Variants in DPYSL2 observed in about 807,000 individuals in gnomAD.
DPYSL2 encodes the protein dihydropyrimidinase-related protein 2.
DPYSL2 carries 13 observed loss-of-function variants against 69.9 expected under a neutral mutation model. That is an observed-to-expected ratio of 0.19 (90% CI 0.12 to 0.30). DPYSL2 has a LOEUF of 0.30. Among genes scored for constraint, DPYSL2 ranks in the 10% least tolerant of loss-of-function variants. The probability of loss-of-function intolerance (pLI) is 1.00; values close to 1 mark genes in which losing one functional copy is unlikely to be tolerated. For synonymous variants in DPYSL2, 326 were observed against 359.1 expected (o/e 0.91, Z 1.04); for missense variants, 587 against 918.9 (o/e 0.64, Z 4.67).
chr8:26,632,510 T>C (rs566520388), intron 7 of DPYSL2, among the ~76,000 whole-genome samples: 1 of 152,332 alleles, frequency 6.6e-6, no homozygotes, highest in East Asian at 1.9e-4. Context: ...TCTGTGTCCC[T>C]GGACAGGTCA....
intron 1 of DPYSL2, among the ~76,000 whole-genome samples, chr8:26,519,527 T>A (rs2117597623): frequency 6.6e-6 from 1 of 152,330 alleles, no homozygotes; most frequent in South Asian, 2.1e-4. Context: ...GTTTAGAGTA[T>A]ATTATTCTAT....
chr8:26,621,001 A>G lies in DPYSL2; in HGVS notation c.629-3142A>G, dbSNP rs143533763. ...CACGTACATACATACACATACATACATGCCTCTTTCCTGATTTTATTTTAC... is the reference window on the plus strand; with the variant it reads ...CACGTACATACATACACATACATACGTGCCTCTTTCCTGATTTTATTTTAC... On this transcript the variant is annotated intron_variant, in intron 3 of 13. Coordinates refer to ENST00000521913, the MANE Select transcript of DPYSL2 (RefSeq NM_001197293.3). The surrounding 1 kb of genome is among the most constrained non-coding windows in gnomAD (Gnocchi z 4.9). 2.6e-5 allele frequency among the ~76,000 whole-genome samples: 4 copies of G among 152,262 alleles called. No homozygotes were observed. The highest frequency in any genetic ancestry group is 6.5e-5 in the Admixed American group (1 of 15,282).
chr8:26,536,468 C>T (rs1001691315), intron 1 of DPYSL2, among the ~76,000 whole-genome samples: 1 of 151,932 alleles, frequency 6.6e-6, no homozygotes, highest in Admixed American at 6.6e-5. Context: ...GTCAGGAGTT[C>T]GAGACCAGCC....
At position 26,653,352 on chromosome 8, in the gene DPYSL2, G is replaced by GCC; in HGVS notation, c.1900_1901dup (p.Pro635HisfsTer155). The GCC allele has an allele frequency of 6.2e-7, 1 of 1,614,120 alleles. No homozygotes were observed. Among genetic ancestry groups the GCC allele is most frequent in the Non-Finnish European group, 8.5e-7 (1 of 1,180,022 alleles). ...CAAGACGTCTCCTGCCAAGCAGCAG[G>GCC]CCCCACCTGTCCGGAACCTGCACCA... On this transcript the variant is annotated frameshift_variant, in exon 13 of 14. Coordinates refer to ENST00000521913, the MANE Select transcript of DPYSL2 (RefSeq NM_001197293.3). LOFTEE classifies it high-confidence loss of function. The surrounding 1 kb of genome is among the most constrained non-coding windows in gnomAD (Gnocchi z 5.7).
chr8:26,635,973 C>T (rs1021253114), intron 8 of DPYSL2, among the ~76,000 whole-genome samples: 2 of 152,090 alleles, frequency 1.3e-5, no homozygotes, highest in African/African-American at 4.8e-5. Flanking sequence ...TGACTTGCTG[C>T]AAGCCCTGGA....
Position 26,514,697 on chromosome 8 carries a change from G to T in DPYSL2, c.354+18G>T. 1 of 1,379,702 alleles carries T rather than the reference G, an allele frequency of 7.2e-7. No individual in the cohort carries two copies. Among genetic ancestry groups the T allele is most frequent in the South Asian group, 1.6e-5 (1 of 62,348 alleles). 85.5% of individuals were successfully genotyped at this position (1,379,702 alleles called of 1,614,324 possible). Reference sequence around the variant, plus strand: ...ACGACCAGGTCGGTGTGGGGGTTGGGGGTGGAGACGGAGGACGGGGCGCGG... The same window carrying T: ...ACGACCAGGTCGGTGTGGGGGTTGGTGGTGGAGACGGAGGACGGGGCGCGG... On this transcript the variant is annotated intron_variant, in intron 1 of 13. Coordinates refer to ENST00000521913, the MANE Select transcript of DPYSL2 (RefSeq NM_001197293.3). The surrounding 1 kb of genome is among the most constrained non-coding windows in gnomAD (Gnocchi z 8.4).
At chr8:26,649,546 G>A (rs868803333) in intron 11 of DPYSL2, among the ~76,000 whole-genome samples, 3 of 152,146 alleles carry the variant, frequency 2.0e-5, no homozygotes, top group African/African-American at 4.8e-5. Context: ...CTTTCAAAGC[G>A]GTGCTTTTCC....
intron 1 of DPYSL2, among the ~76,000 whole-genome samples, chr8:26,524,550 C>T (rs1808444288): frequency 6.6e-6 from 1 of 151,946 alleles, no homozygotes; most frequent in Non-Finnish European, 1.5e-5. Context: ...GTAATCTCAG[C>T]ACTTTGGAAG....
In DPYSL2 at chr8:26,656,726, G is replaced by A. The variant is rs1803400666; in HGVS notation, c.*1020G>A. On this transcript the variant is annotated 3_prime_UTR_variant, in exon 14 of 14. Coordinates refer to ENST00000521913, the MANE Select transcript of DPYSL2 (RefSeq NM_001197293.3). ...ACTGGTGCTAACCACCTGCCATCAT[G>A]AGGATGTGTGCTAGAGTGTGGGACC... The A allele has an allele frequency of 6.5e-6, 1 of 152,704 alleles. No individual in the cohort carries two copies. Among genetic ancestry groups the A allele is most frequent in the Non-Finnish European group, 1.5e-5 (1 of 68,098 alleles). The allele number at this position is 152,704 out of a possible 1,614,324, so 9.5% of individuals were successfully genotyped here. A position where few individuals can be genotyped will look rare whatever the true frequency, so the allele number is the denominator to read the frequency against.
Position 26,643,650 on chromosome 8 carries a change from T to C in DPYSL2, c.1283+55T>C. Reference sequence around the variant, plus strand: ...CATTCTGTCTTTCTTCAGACCAGACTGACCTGTTAGGCGAAAACAACATGG... The same window carrying C: ...CATTCTGTCTTTCTTCAGACCAGACCGACCTGTTAGGCGAAAACAACATGG... On this transcript the variant is annotated intron_variant, in intron 9 of 13. Coordinates refer to ENST00000521913, the MANE Select transcript of DPYSL2 (RefSeq NM_001197293.3). The surrounding 1 kb of genome is among the most constrained non-coding windows in gnomAD (Gnocchi z 6.5). 6.2e-7 allele frequency: 1 copy of C among 1,612,496 alleles called. No homozygotes were observed. The highest frequency in any genetic ancestry group is 1.1e-5 in the South Asian group (1 of 90,926).
At chr8:26,606,872 A>G (rs1802118213) in intron 3 of DPYSL2, among the ~76,000 whole-genome samples, 1 of 152,240 alleles carries the variant, frequency 6.6e-6, no homozygotes, top group Non-Finnish European at 1.5e-5. Context: ...GAGTTAAATA[A>G]GTAGAAGTTG....
rs1415325347 is a variant in DPYSL2 at position 26,653,181 on chromosome 8, GGTATCC to G, written c.1777-50_1777-45del. The G allele has an allele frequency of 6.3e-7, 1 of 1,591,560 alleles. No homozygotes were observed. Among genetic ancestry groups the G allele is most frequent in the Non-Finnish European group, 8.6e-7 (1 of 1,167,112 alleles). ...CTCCCTCCAGGAGGGTTTCTAGAGA[GGTATCC>G]TCTGTGGCTGTGGCCTGAGCTGGGG... On this transcript the variant is annotated intron_variant, in intron 12 of 13. Coordinates refer to ENST00000521913, the MANE Select transcript of DPYSL2 (RefSeq NM_001197293.3). This position sits in a 1 kb window ranked among gnomAD's most constrained non-coding sequence, Gnocchi z 5.7.
At chr8:26,606,007 A>G (rs1158299891) in intron 3 of DPYSL2, among the ~76,000 whole-genome samples, 1 of 152,198 alleles carries the variant, frequency 6.6e-6, no homozygotes, top group African/African-American at 2.4e-5. Context: ...CAAAAAGGTC[A>G]TAATGAATAA....
Position 26,514,638 on chromosome 8 carries a change from A to C in DPYSL2, c.313A>C (p.Arg105=). The change falls in exon 1 of 14, where the codon AGG becomes CGG. Residue 105 remains arginine, a synonymous_variant. Transcript: ENST00000521913. This position sits in a 1 kb window ranked among gnomAD's most constrained non-coding sequence, Gnocchi z 8.4. ...VESGRKVEIR[R]ASGKEALQNI... is the part of the protein sequence containing the mutation. ...ATCGGGCCGGAAGGTGGAGATCCGG[A>C]GGGCCTCGGGCAAAGAAGCCCTGCA... The C allele has an allele frequency of 2.3e-6, 3 of 1,314,230 alleles. No homozygotes were observed. Among genetic ancestry groups the C allele is most frequent in the East Asian group, 3.6e-5 (1 of 27,584 alleles). 81.4% of individuals were successfully genotyped at this position (1,314,230 alleles called of 1,614,324 possible).
At chr8:26,638,583 CT>C (rs1000780111) in intron 8 of DPYSL2, among the ~76,000 whole-genome samples, 14 of 152,192 alleles carry the variant, frequency 9.2e-5, no homozygotes, top group African/African-American at 3.4e-4. Context: ...ATCAGCCGCT[CT>C]GTGGCTGTTC....
At chr8:26,607,587 C>G (rs116518552) in intron 3 of DPYSL2, among the ~76,000 whole-genome samples, 1,559 of 151,548 alleles carry the variant, frequency 0.01, 32 homozygotes, top group African/African-American at 0.036. Flanking sequence ...CCCAGAAATT[C>G]AAGACCAGCC....
At chr8:26,551,952 C>T (rs945665741) in intron 1 of DPYSL2, among the ~76,000 whole-genome samples, 1 of 152,008 alleles carries the variant, frequency 6.6e-6, no homozygotes, top group African/African-American at 2.4e-5. Flanking sequence ...TAGCTGGGAC[C>T]ACAGAGGCAT....
rs192765801 is a variant in DPYSL2, at chr8:26,605,355, G to A, written c.629-18788G>A. Among the ~76,000 whole-genome samples the A allele has an allele frequency of 6.6e-3, 1,003 of 151,942 alleles. 7 individuals carry two copies. Among genetic ancestry groups the A allele is most frequent in the Non-Finnish European group, 8.8e-3 (599 of 67,946 alleles). Reference sequence around the variant, plus strand: ...GGCTGGAGTGCAGTGGTGTGAACTCGGCTCACTGCAACCTCCAGCTCCCGG... The same window carrying A: ...GGCTGGAGTGCAGTGGTGTGAACTCAGCTCACTGCAACCTCCAGCTCCCGG... On this transcript the variant is annotated intron_variant, in intron 3 of 13. Transcript: ENST00000521913. The surrounding 1 kb of genome is among the most constrained non-coding windows in gnomAD (Gnocchi z 4.1).
chr8:26,645,374 C>T (rs1465529792), intron 10 of DPYSL2, among the ~76,000 whole-genome samples: 1 of 151,948 alleles, frequency 6.6e-6, no homozygotes, highest in African/African-American at 2.4e-5. Context: ...GAACTCCAGA[C>T]TGGGGGACAC....
Sources: allele counts gnomAD v4.1 joint callset (sites outside exome capture counted in the v4.1 genomes callset), GRCh38; gene constraint gnomAD v4.1.1; non-coding constraint Gnocchi (gnomAD v3.1); transcripts MANE v1.5; gene names NCBI Gene and HGNC (gene_info 2026-07-23, HGNC 2026-07-21).